Variants in TMEM181 observed in about 807,000 individuals in gnomAD.
TMEM181 encodes transmembrane protein 181.
In TMEM181, 39 loss-of-function variants were observed where a neutral mutation model predicts 71.9. That is an observed-to-expected ratio of 0.54 (90% CI 0.42 to 0.71). The LOEUF (loss-of-function observed/expected upper bound fraction) is 0.71, where lower values mean the gene tolerates loss of function less well. TMEM181 is among the 30% of genes least tolerant of loss of function. TMEM181 has a pLI of 0.00. For synonymous variants in TMEM181, 245 were observed against 228.8 expected (o/e 1.07, Z -0.64); for missense variants, 595 against 583.0 (o/e 1.02, Z -0.21).
chr6:158,611,216 CTA>C (rs1785285088), intron 10 of TMEM181: 9 of 506,592 alleles, frequency 1.8e-5, no homozygotes, highest in South Asian at 1.3e-4. Flanking sequence ...CTGGGATTGA[CTA>C]TCCTTCTCAG....
intron 10 of TMEM181, among the ~76,000 whole-genome samples, chr6:158,615,364 T>G (rs532439005): frequency 1.3e-5 from 2 of 152,188 alleles, no homozygotes; most frequent in East Asian, 3.9e-4. Flanking sequence ...ATTTAAGTTC[T>G]TTGTAGATTC....
chr6:158,605,869 GCC>G (rs34864189), intron 7 of TMEM181, among the ~76,000 whole-genome samples: 2,581 of 151,898 alleles, frequency 0.017, 255 homozygotes, highest in Admixed American at 0.15. Flanking sequence ...GCCCAAGGGA[GCC>G]CCCCCAGAGC....
intron 7 of TMEM181, among the ~76,000 whole-genome samples, chr6:158,606,926 C>T (rs371623700): frequency 1.7e-4 from 26 of 152,202 alleles, no homozygotes; most frequent in Non-Finnish European, 2.1e-4. Flanking sequence ...TTGTTTTCCT[C>T]GCCGTGGTGG....
intron 2 of TMEM181, among the ~76,000 whole-genome samples, chr6:158,578,243 C>T (rs1206877216): frequency 6.6e-6 from 1 of 152,134 alleles, no homozygotes; most frequent in Non-Finnish European, 1.5e-5. Flanking sequence ...TGAAGTGAGT[C>T]CTGCAGGTTG....
At chr6:158,553,107 G>A (rs1233974598) in intron 1 of TMEM181, among the ~76,000 whole-genome samples, 1 of 151,704 alleles carries the variant, frequency 6.6e-6, no homozygotes, top group Non-Finnish European at 1.5e-5. Context: ...AGGATTGTTT[G>A]AGCCTGAGAG....
chr6:158,544,920 G>A (rs1781476588), intron 1 of TMEM181, among the ~76,000 whole-genome samples: 2 of 152,314 alleles, frequency 1.3e-5, no homozygotes, highest in Middle Eastern at 3.4e-3. Context: ...TTCTGAACAA[G>A]CAATGAAAGA....
intron 6 of TMEM181, among the ~76,000 whole-genome samples, chr6:158,599,973 G>A (rs371427820): frequency 6.6e-5 from 10 of 152,204 alleles, no homozygotes; most frequent in African/African-American, 2.4e-4. Flanking sequence ...GGAGGATGGG[G>A]ACGCATGATA....
rs62432931 is a variant in TMEM181, at chr6:158,628,795, C to T, written c.1192+305C>T. Among the ~76,000 whole-genome samples, 1,085 of 152,352 alleles carry T rather than the reference C, an allele frequency of 7.1e-3. 5 individuals carry two copies. Among genetic ancestry groups the T allele is most frequent in the Non-Finnish European group, 0.011 (758 of 68,032 alleles). On this transcript the variant is annotated intron_variant, in intron 14 of 16. Transcript: ENST00000684151. Reference sequence around the variant, plus strand: ...TCTGGAGCGTGCCCACGCCACGCTGCTTTCCACCCAGAGGGGCAGGTGCTG... The same window carrying T: ...TCTGGAGCGTGCCCACGCCACGCTGTTTTCCACCCAGAGGGGCAGGTGCTG...
intron 5 of TMEM181, among the ~76,000 whole-genome samples, chr6:158,586,427 C>G (rs149244806): frequency 1.3e-5 from 2 of 152,282 alleles, no homozygotes; most frequent in East Asian, 3.9e-4. Flanking sequence ...CTCATTCAGT[C>G]CTCATGGCAA....
intron 9 of TMEM181, 63 bp downstream of exon 9, chr6:158,608,526 TGAG>T: frequency 6.2e-7 from 1 of 1,612,380 alleles, no homozygotes; most frequent in Non-Finnish European, 8.5e-7. Flanking sequence ...TCCCGAACTC[TGAG>T]GACAGCCCAG....
At chr6:158,614,847 A>G (rs908231319) in intron 10 of TMEM181, among the ~76,000 whole-genome samples, 13 of 152,190 alleles carry the variant, frequency 8.5e-5, no homozygotes, top group African/African-American at 3.1e-4. Context: ...ATAGTATTCC[A>G]TGGTGTATAT....
intron 6 of TMEM181, among the ~76,000 whole-genome samples, chr6:158,592,342 C>T (rs1181392449): frequency 6.6e-6 from 1 of 152,174 alleles, no homozygotes; most frequent in African/African-American, 2.4e-5. Flanking sequence ...CTTTTTTCAA[C>T]CAATCAATTT....
intron 1 of TMEM181, among the ~76,000 whole-genome samples, chr6:158,549,225 C>A (rs993450434): frequency 6.9e-6 from 1 of 145,374 alleles, no homozygotes; most frequent in Non-Finnish European, 1.5e-5. Context: ...TCAAGCAATT[C>A]TTCTGCCTCA....
chr6:158,582,460 C>T (rs1783533520), intron 3 of TMEM181, among the ~76,000 whole-genome samples: 1 of 152,132 alleles, frequency 6.6e-6, no homozygotes, highest in South Asian at 2.1e-4. Context: ...AACACATTCA[C>T]TTGAGACTAG....
At chr6:158,602,971 A>G (rs1562301227) in intron 6 of TMEM181, among the ~76,000 whole-genome samples, 1 of 152,078 alleles carries the variant, frequency 6.6e-6, no homozygotes, top group South Asian at 2.1e-4. Flanking sequence ...CTTTGTCCTT[A>G]TCTTCGTCTA....
chr6:158,539,962 T>G (rs1482676187), intron 1 of TMEM181, among the ~76,000 whole-genome samples: 2 of 152,206 alleles, frequency 1.3e-5, no homozygotes, highest in Non-Finnish European at 2.9e-5. Flanking sequence ...AAAGATGTTT[T>G]CAGATACACA....
intron 10 of TMEM181, among the ~76,000 whole-genome samples, chr6:158,611,952 AC>A (rs2128320469): frequency 6.8e-6 from 1 of 146,598 alleles, no homozygotes; most frequent in South Asian, 2.2e-4. Context: ...CTGTTCCCAT[AC>A]AACTCCCTGC....
chr6:158,626,933 T>TCC (rs1562315762), intron 13 of TMEM181, among the ~76,000 whole-genome samples: 2 of 24,166 alleles, frequency 8.3e-5, no homozygotes, highest in Admixed American at 4.6e-4. Flanking sequence ...CTCACCCTCA[T>TCC]TCTCACCCTC....
intron 6 of TMEM181, among the ~76,000 whole-genome samples, chr6:158,593,441 A>G (rs1316360089): frequency 1.3e-5 from 2 of 152,216 alleles, no homozygotes; most frequent in Admixed American, 1.3e-4. Context: ...TGAAAAGAAA[A>G]TTATTTGAAA....
Sources: allele counts gnomAD v4.1 joint callset (sites outside exome capture counted in the v4.1 genomes callset), GRCh38; gene constraint gnomAD v4.1.1; transcripts MANE v1.5; gene names NCBI Gene and HGNC (gene_info 2026-07-23, HGNC 2026-07-21).